Variants in ANKS1A observed in about 807,000 individuals in gnomAD.
ANKS1A encodes the protein ankyrin repeat and SAM domain-containing protein 1A.
A neutral mutation model predicts 120.3 loss-of-function variants in ANKS1A; 55 were observed. The ratio of observed to expected loss-of-function variants is 0.46; its 90% CI spans 0.37 to 0.57. The LOEUF (loss-of-function observed/expected upper bound fraction) is 0.57, where lower values mean the gene tolerates loss of function less well. Among genes scored for constraint, ANKS1A ranks in the 20% least tolerant of loss-of-function variants. The pLI is 0.00. For synonymous variants in ANKS1A, 590 were observed against 604.7 expected (o/e 0.98, Z 0.36); for missense variants, 1,123 against 1,480.3 (o/e 0.76, Z 3.96).
chr6:35,006,507 C>G (rs978473049), intron 10 of ANKS1A, among the ~76,000 whole-genome samples: 6 of 152,160 alleles, frequency 3.9e-5, no homozygotes, highest in Non-Finnish European at 7.3e-5. Flanking sequence ...GTAATCCCAG[C>G]ACTTTGGGAG....
At chr6:34,995,048 G>A (rs1279311656) in intron 10 of ANKS1A, among the ~76,000 whole-genome samples, 2 of 152,224 alleles carry the variant, frequency 1.3e-5, no homozygotes, top group African/African-American at 4.8e-5. Context: ...CTGTTCTAAG[G>A]AAGAATGATA....
chr6:34,973,024 G>A (rs1391957217), intron 3 of ANKS1A, among the ~76,000 whole-genome samples: 1 of 152,116 alleles, frequency 6.6e-6, no homozygotes, highest in African/African-American at 2.4e-5. Flanking sequence ...AAATGATTAA[G>A]TTGTACCTCC....
At chr6:34,926,192 CA>C (rs1239550384) in intron 1 of ANKS1A, among the ~76,000 whole-genome samples, 5 of 152,144 alleles carry the variant, frequency 3.3e-5, no homozygotes, top group African/African-American at 1.2e-4. Flanking sequence ...TTGACATTCC[CA>C]GCTATGGGTG....
At chr6:34,991,766 A>G (rs1772580716) in intron 9 of ANKS1A, among the ~76,000 whole-genome samples, 1 of 34,910 alleles carries the variant, frequency 2.9e-5, no homozygotes, top group Non-Finnish European at 1.3e-4. Flanking sequence ...ATATATATAT[A>G]CACATATATA....
At chr6:35,034,718 C>T (rs888407227) in intron 11 of ANKS1A, among the ~76,000 whole-genome samples, 1 of 152,186 alleles carries the variant, frequency 6.6e-6, no homozygotes, top group African/African-American at 2.4e-5. Context: ...CATTTCTTCA[C>T]TGTTGTGCTA....
At chr6:35,027,437 CT>C (rs1384089133) in intron 11 of ANKS1A, among the ~76,000 whole-genome samples, 2 of 152,138 alleles carry the variant, frequency 1.3e-5, no homozygotes, top group African/African-American at 2.4e-5. Flanking sequence ...GTAGAGGGAG[CT>C]TCTTAGAGAC....
chr6:35,081,912 G>A (rs116131258), intron 17 of ANKS1A, among the ~76,000 whole-genome samples: 301 of 152,246 alleles, frequency 2.0e-3, no homozygotes, highest in African/African-American at 6.6e-3. Context: ...AGGCCCCTCC[G>A]GGTGAACTTC....
chr6:34,952,476 C>T (rs1453236972), intron 1 of ANKS1A, among the ~76,000 whole-genome samples: 2 of 152,230 alleles, frequency 1.3e-5, no homozygotes, highest in Non-Finnish European at 2.9e-5. Flanking sequence ...CTTCCTACCA[C>T]AGCCTAATTA....
chr6:34,889,609 C>G lies in ANKS1A; in HGVS notation c.197+10C>G. 1.6e-6 allele frequency: 2 copies of G among 1,287,288 alleles called. No homozygotes were observed. The highest frequency in any genetic ancestry group is 2.0e-6 in the Non-Finnish European group (2 of 1,023,480). 79.7% of individuals were successfully genotyped at this position (1,287,288 alleles called of 1,614,324 possible). On this transcript the variant is annotated intron_variant, in intron 1 of 23. Coordinates refer to ENST00000360359, the MANE Select transcript of ANKS1A (RefSeq NM_015245.3). This position sits in a 1 kb window ranked among gnomAD's most constrained non-coding sequence, Gnocchi z 5.5. Reference sequence around the variant, plus strand: ...TCTCCAGTCTGCTCAGGTGGGTACGCGCCAGGGCCGGGCCGCTGCCTGCAG... The same window carrying G: ...TCTCCAGTCTGCTCAGGTGGGTACGGGCCAGGGCCGGGCCGCTGCCTGCAG...
chr6:34,982,873 G>A lies in ANKS1A; in HGVS notation c.808+46G>A. 6.2e-7 allele frequency: 1 copy of A among 1,612,704 alleles called. No individual in the cohort carries two copies. Among genetic ancestry groups the A allele is most frequent in the Non-Finnish European group, 8.5e-7 (1 of 1,178,834 alleles). ...TTGTCTACACAGCGTGCCAGGGTTG[G>A]GATTGTTTCTCCCTAGTCCCCTAGG... is the stretch of plus-strand genomic sequence containing the variant. On this transcript the variant is annotated intron_variant, in intron 5 of 23. Transcript: ENST00000360359. The surrounding 1 kb of genome is among the most constrained non-coding windows in gnomAD (Gnocchi z 4.9).
rs1372739948 is a variant in ANKS1A at position 34,995,794 on chromosome 6, C to T, written c.1423+1372C>T. Among the ~76,000 whole-genome samples the T allele has an allele frequency of 2.6e-5, 4 of 152,136 alleles. No individual in the cohort carries two copies. In the East Asian group the frequency reaches 7.7e-4, roughly 29 times the overall value. ...ATTGTGTGGATATACCCCAGTTTAT[C>T]CCTTCTCTAGCTGAGGGATATTTGG... On this transcript the variant is annotated intron_variant, in intron 10 of 23. Coordinates refer to ENST00000360359, the MANE Select transcript of ANKS1A (RefSeq NM_015245.3).
intron 1 of ANKS1A, among the ~76,000 whole-genome samples, chr6:34,901,049 G>T (rs546114838): frequency 1.3e-5 from 2 of 152,036 alleles, no homozygotes; most frequent in Non-Finnish European, 2.9e-5. Flanking sequence ...AAATTTAAGT[G>T]GTCCCTGTGC....
intron 9 of ANKS1A, among the ~76,000 whole-genome samples, chr6:34,993,708 G>A (rs1438644005): frequency 1.3e-5 from 2 of 152,190 alleles, no homozygotes; most frequent in African/African-American, 4.8e-5. Context: ...AGGGTCAGTT[G>A]GAAGTCATTT....
rs1357144429 is a variant in ANKS1A, at chr6:35,082,240, G to A, written c.2710-451G>A. The stretch of plus-strand genomic sequence containing the variant: ...CCATTTGGAATGCATTCCTAGGCAC[G>A]GGCGGGTGCTTCACTGGCTTCCCCG... On this transcript the variant is annotated intron_variant, in intron 17 of 23. Coordinates refer to ENST00000360359, the MANE Select transcript of ANKS1A (RefSeq NM_015245.3). The surrounding 1 kb of genome is among the most constrained non-coding windows in gnomAD (Gnocchi z 4.1). Among the ~76,000 whole-genome samples the A allele has an allele frequency of 2.0e-5, 3 of 151,720 alleles. No homozygotes were observed. Among genetic ancestry groups the A allele is most frequent in the South Asian group, 2.1e-4 (1 of 4,798 alleles).
intron 1 of ANKS1A, among the ~76,000 whole-genome samples, chr6:34,964,031 A>T (rs532631958): frequency 6.6e-6 from 1 of 152,284 alleles, no homozygotes; most frequent in East Asian, 1.9e-4. Flanking sequence ...CTCTTAGCAG[A>T]TGTATGGTTT....
rs1775624155 is a variant in ANKS1A, at chr6:35,044,499, A to G, written c.2011-9600A>G. ...CAGGCCCACAGCCTGCATGAGAAGG[A>G]GCAGGCCTGAGTTGAGACCCTGTTC... On this transcript the variant is annotated intron_variant, in intron 11 of 23. Transcript: ENST00000360359. This position sits in a 1 kb window ranked among gnomAD's most constrained non-coding sequence, Gnocchi z 4.4. Among the ~76,000 whole-genome samples the G allele has an allele frequency of 6.6e-6, 1 of 152,196 alleles. No individual in the cohort carries two copies. Among genetic ancestry groups the G allele is most frequent in the South Asian group, 2.1e-4 (1 of 4,826 alleles).
chr6:35,029,051 GTTATC>G (rs926801205), intron 11 of ANKS1A, among the ~76,000 whole-genome samples: 115 of 152,214 alleles, frequency 7.6e-4, no homozygotes, highest in African/African-American at 2.6e-3. Flanking sequence ...GATTGGTAAT[GTTATC>G]TTATCTTGGG....
chr6:34,933,549 T>C (rs1306344404), intron 1 of ANKS1A, among the ~76,000 whole-genome samples: 1 of 152,168 alleles, frequency 6.6e-6, no homozygotes, highest in Non-Finnish European at 1.5e-5. Flanking sequence ...TTTGTATTTT[T>C]AGTAGAGACG....
At position 34,985,127 on chromosome 6, in the gene ANKS1A, C is replaced by G. The variant is rs531204877; in HGVS notation, c.1058C>G (p.Ala353Gly). 1 of 1,614,128 alleles carries G rather than the reference C, an allele frequency of 6.2e-7. No homozygotes were observed. The highest frequency in any genetic ancestry group is 1.3e-5 in the African/African-American group (1 of 75,034). ...AVTELIIDFD[A>G]NAEEEGPYEA... is the part of the protein sequence containing the mutation. ...ACTGAACTGATTATAGATTTTGATGCAAATGCTGAAGAAGAGGGTCCCTAC... is the reference window on the plus strand; with the variant it reads ...ACTGAACTGATTATAGATTTTGATGGAAATGCTGAAGAAGAGGGTCCCTAC... Residue 353 changes from alanine to glycine, a missense_variant, in exon 8 of 24, where the codon GCA becomes GGA. Coordinates refer to ENST00000360359, the MANE Select transcript of ANKS1A (RefSeq NM_015245.3).
Sources: allele counts gnomAD v4.1 joint callset (sites outside exome capture counted in the v4.1 genomes callset), GRCh38; gene constraint gnomAD v4.1.1; non-coding constraint Gnocchi (gnomAD v3.1); transcripts MANE v1.5; gene names NCBI Gene and HGNC (gene_info 2026-07-23, HGNC 2026-07-21).